Variants in RAB10 observed in about 807,000 individuals in gnomAD.
RAB10 encodes the protein ras-related protein Rab-10.
A neutral mutation model predicts 25.7 loss-of-function variants in RAB10; 5 were observed. The observed-to-expected ratio is 0.19, with a 90% CI of 0.10 to 0.41. The LOEUF is 0.41. RAB10 is among the 10% of genes least tolerant of loss of function. The pLI is 1.00. For synonymous variants in RAB10, 89 were observed against 86.4 expected, an observed-to-expected ratio of 1.03 and a Z score of -0.16; for missense variants, 103 against 245.8, an observed-to-expected ratio of 0.42 and a Z score of 3.89.
intron 1 of RAB10, among the ~76,000 whole-genome samples, chr2:26,047,723 G>GTTTTTTT (rs34517359): frequency 3.7e-5 from 4 of 107,868 alleles, no homozygotes; most frequent in Non-Finnish European, 5.2e-5. Flanking sequence ...TGCCTGGCCT[G>GTTTTTTT]TTTTTTTTTT....
At chr2:26,122,195 C>G (rs1667818291) in intron 3 of RAB10, among the ~76,000 whole-genome samples, 1 of 152,148 alleles carries the variant, frequency 6.6e-6, no homozygotes, top group African/African-American at 2.4e-5. Flanking sequence ...GCATAAGGAC[C>G]ATTTTAAATA....
At chr2:26,048,710 A>G (rs945624940) in intron 1 of RAB10, among the ~76,000 whole-genome samples, 3 of 152,180 alleles carry the variant, frequency 2.0e-5, no homozygotes. Flanking sequence ...CCCTATCTCT[A>G]CAAAAAAGAA....
chr2:26,042,439 C>T (rs1235703515), intron 1 of RAB10, among the ~76,000 whole-genome samples: 2 of 151,884 alleles, frequency 1.3e-5, no homozygotes, highest in Non-Finnish European at 2.9e-5. Context: ...AGTTCGAGAC[C>T]AGCCTGGGCA....
intron 1 of RAB10, among the ~76,000 whole-genome samples, chr2:26,090,281 G>A (rs1025647341): frequency 7.9e-5 from 12 of 152,156 alleles, no homozygotes; most frequent in African/African-American, 2.9e-4. Flanking sequence ...AAAAGATACT[G>A]TCATTTTGTC....
intron 1 of RAB10, among the ~76,000 whole-genome samples, chr2:26,077,279 A>G (rs1290971126): frequency 2.0e-5 from 3 of 152,220 alleles, no homozygotes; most frequent in Non-Finnish European, 4.4e-5. Flanking sequence ...TAAATTGTCA[A>G]ATGAGAAAAT....
At chr2:26,053,759 A>G (rs1478077975) in intron 1 of RAB10, among the ~76,000 whole-genome samples, 1 of 151,826 alleles carries the variant, frequency 6.6e-6, no homozygotes, top group African/African-American at 2.4e-5. Flanking sequence ...CACTCTTGTC[A>G]CTCATGCTGG....
At chr2:26,073,043 A>T (rs1666660804) in intron 1 of RAB10, among the ~76,000 whole-genome samples, 1 of 152,210 alleles carries the variant, frequency 6.6e-6, no homozygotes, top group East Asian at 1.9e-4. Context: ...TATGTAATAG[A>T]TTTGATCCAA....
intron 2 of RAB10, among the ~76,000 whole-genome samples, chr2:26,099,620 A>C (rs1449829989): frequency 7.4e-6 from 1 of 135,120 alleles, no homozygotes; most frequent in Non-Finnish European, 1.5e-5. Context: ...GGCTCACTGC[A>C]AGCTCTACCT....
At chr2:26,116,549 T>G (rs1458766019) in intron 3 of RAB10, among the ~76,000 whole-genome samples, 1 of 1,914 alleles carries the variant, frequency 5.2e-4, no homozygotes, top group Non-Finnish European at 1.9e-3. Flanking sequence ...CTGTCTTGTG[T>G]TTTTTTTTTT....
At chr2:26,048,749 C>T (rs1666069821) in intron 1 of RAB10, among the ~76,000 whole-genome samples, 1 of 152,072 alleles carries the variant, frequency 6.6e-6, no homozygotes, top group Non-Finnish European at 1.5e-5. Flanking sequence ...GTGGTGTGCA[C>T]CTGTAGTTTC....
intron 1 of RAB10, among the ~76,000 whole-genome samples, chr2:26,097,699 A>G (rs1403710345): frequency 3.3e-5 from 5 of 152,202 alleles, no homozygotes; most frequent in African/African-American, 1.2e-4. Context: ...AGATTTCTGT[A>G]TATGTCAGTT....
intron 1 of RAB10, among the ~76,000 whole-genome samples, chr2:26,059,780 G>C (rs1666357557): frequency 6.6e-6 from 1 of 152,186 alleles, no homozygotes; most frequent in African/African-American, 2.4e-5. Context: ...AAGGAGAGTT[G>C]TTTAATGGGT....
chr2:26,098,109 C>CTTTTTTTTTTTTTTTTTTT (rs57174956), intron 1 of RAB10, among the ~76,000 whole-genome samples: 6 of 52,724 alleles, frequency 1.1e-4, no homozygotes, highest in African/African-American at 3.1e-4. Flanking sequence ...TTCTTTCTTT[C>CTTTTTTTTTTTTTTTTTTT]TTTTTTTTTT....
At chr2:26,050,677 A>T (rs1666111658) in intron 1 of RAB10, among the ~76,000 whole-genome samples, 1 of 152,032 alleles carries the variant, frequency 6.6e-6, no homozygotes, top group South Asian at 2.1e-4. Flanking sequence ...TCACTCTGTC[A>T]CCCAGGTTTG....
intron 1 of RAB10, chr2:26,042,612 C>G (rs570552853): frequency 9.9e-5 from 15 of 152,130 alleles, no homozygotes; most frequent in African/African-American, 3.6e-4. Context: ...TACCATCTCA[C>G]TCCAGCCTGG....
chr2:26,119,853 A>G (rs1318747314), intron 3 of RAB10, among the ~76,000 whole-genome samples: 3 of 152,164 alleles, frequency 2.0e-5, no homozygotes, highest in South Asian at 4.1e-4. Flanking sequence ...AGCTAGAATT[A>G]TATTTATGCT....
chr2:26,104,637 A>T lies in RAB10; in HGVS notation c.189-5131A>T, dbSNP rs533610945. ...TGTGCTTTGGTGACATGTGTAAGAA[A>T]CAGTTGTCAAATCCAAGATTTGAAG... On this transcript the variant is annotated intron_variant, in intron 2 of 5. Coordinates refer to ENST00000264710, the MANE Select transcript of RAB10 (RefSeq NM_016131.5). Among the ~76,000 whole-genome samples the T allele has an allele frequency of 3.9e-5, 6 of 152,024 alleles. No individual in the cohort carries two copies. The South Asian group carries it at 1.2e-3, about 32-fold the overall frequency.
At chr2:26,115,388 A>G (rs1667662559) in intron 3 of RAB10, among the ~76,000 whole-genome samples, 1 of 152,192 alleles carries the variant, frequency 6.6e-6, no homozygotes, top group Non-Finnish European at 1.5e-5. Context: ...GTATATTCAT[A>G]TAAGGGAACA....
chr2:26,048,255 T>C (rs1159004196), intron 1 of RAB10, among the ~76,000 whole-genome samples: 1 of 152,172 alleles, frequency 6.6e-6, no homozygotes, highest in African/African-American at 2.4e-5. Flanking sequence ...CACATAGTAA[T>C]TGCATGTTTC....
Sources: allele counts gnomAD v4.1 joint callset (sites outside exome capture counted in the v4.1 genomes callset), GRCh38; gene constraint gnomAD v4.1.1; transcripts MANE v1.5; gene names NCBI Gene and HGNC (gene_info 2026-07-23, HGNC 2026-07-21).